RGS12: variants seen among roughly 807,000 people sequenced by gnomAD.
RGS12 encodes regulator of G protein signaling 12, also known as regulator of G-protein signaling 12.
A neutral mutation model predicts 120.1 loss-of-function variants in RGS12; 66 were observed. The ratio of observed to expected loss-of-function variants is 0.55; its 90% CI spans 0.45 to 0.67. RGS12 has a LOEUF of 0.67. Ranked by LOEUF, RGS12 falls within the 30% of genes least tolerant of loss-of-function variation. RGS12 has a pLI of 0.00. For synonymous variants in RGS12, 827 were observed against 804.7 expected, an observed-to-expected ratio of 1.03 and a Z score of -0.47; for missense variants, 1,859 against 1,957.7, an observed-to-expected ratio of 0.95 and a Z score of 0.95.
At chr4:3,420,569 G>A (rs1577082885) in intron 9 of RGS12, 73 bp from the exon 10 acceptor site, 3 of 1,478,396 alleles carry the variant, frequency 2.0e-6, no homozygotes, top group Non-Finnish European at 2.8e-6. Context: ...CCTAAAGGGG[G>A]CAGAGGGTTG....
intron 1 of RGS12, among the ~76,000 whole-genome samples, chr4:3,307,816 G>T (rs1436604675): frequency 2.6e-5 from 4 of 152,206 alleles, no homozygotes; most frequent in Non-Finnish European, 5.9e-5. Flanking sequence ...CGGGAGACGC[G>T]AAATTCTACA....
chr4:3,294,566 G>C (rs969663998), intron 1 of RGS12, among the ~76,000 whole-genome samples: 9 of 152,354 alleles, frequency 5.9e-5, no homozygotes, highest in African/African-American at 2.2e-4. Context: ...CGGGCCCTGC[G>C]TGGTGCCTCA....
At chr4:3,386,808 C>G (rs890760048) in intron 4 of RGS12, among the ~76,000 whole-genome samples, 1 of 152,218 alleles carries the variant, frequency 6.6e-6, no homozygotes, top group African/African-American at 2.4e-5. Context: ...AAAGTGCTTT[C>G]TGAATTTGAG....
chr4:3,293,341 C>T (rs1238547508), intron 1 of RGS12, among the ~76,000 whole-genome samples: 20 of 144,886 alleles, frequency 1.4e-4, no homozygotes, highest in African/African-American at 4.7e-4. Flanking sequence ...GCGGGCGGCG[C>T]GGGGCGCGGG....
chr4:3,364,330 G>A (rs998069992), intron 3 of RGS12, among the ~76,000 whole-genome samples: 1 of 152,182 alleles, frequency 6.6e-6, no homozygotes, highest in Admixed American at 6.5e-5. Flanking sequence ...AGCCCCTGCA[G>A]CCTGTGCTGA....
At chr4:3,324,830 A>G (rs1221339959) in intron 2 of RGS12, 1 of 152,098 alleles carries the variant, frequency 6.6e-6, no homozygotes, top group African/African-American at 2.4e-5. Flanking sequence ...TCAGTGTTTT[A>G]TTTATTTGCC....
At chr4:3,295,040 G>T (rs74784496) in intron 1 of RGS12, among the ~76,000 whole-genome samples, 5,405 of 152,196 alleles carry the variant, frequency 0.036, 256 homozygotes, top group African/African-American at 0.11. Context: ...AGGGTCAAGG[G>T]CTGGCTCCCT....
chr4:3,332,542 A>T (rs1368325777), intron 2 of RGS12, among the ~76,000 whole-genome samples: 1 of 152,192 alleles, frequency 6.6e-6, no homozygotes, highest in African/African-American at 2.4e-5. Flanking sequence ...ATCTTTTGCT[A>T]ATCTGGGAGC....
intron 17 of RGS12, chr4:3,431,712 C>G (rs1724325736): frequency 1.0e-6 from 1 of 985,450 alleles, no homozygotes; most frequent in African/African-American, 1.7e-5. Flanking sequence ...CGTGGCCATC[C>G]CCTGGAGAGA....
chr4:3,318,848 G>A (rs1052114556), intron 2 of RGS12, among the ~76,000 whole-genome samples: 3 of 152,236 alleles, frequency 2.0e-5, no homozygotes, highest in Non-Finnish European at 1.5e-5. Context: ...CGGCGCTGCC[G>A]TGTGGGGCTG....
intron 3 of RGS12, chr4:3,370,207 A>G: frequency 1.3e-6 from 2 of 1,590,378 alleles, no homozygotes. Context: ...CACACGCACA[A>G]GCTGCGGTGT....
In RGS12 at chr4:3,416,978, C is replaced by T; in HGVS notation, c.2493C>T (p.Cys831=). 2 of 1,613,204 alleles carry T rather than the reference C, an allele frequency of 1.2e-6. No homozygotes were observed. The highest frequency in any genetic ancestry group is 2.2e-5 in the East Asian group (1 of 44,876). The stretch of plus-strand genomic sequence containing the variant: ...TGAAGTCCCCGCTGTACCAGGAATG[C>T]ATCCTGGCGGAAGTGGAGGGCCGTG... ...RFLKSPLYQE[C]ILAEVEGRAL... The change falls in exon 8 of 18, where the codon TGC becomes TGT. Residue 831 remains cysteine, a synonymous_variant. Transcript: ENST00000336727.
rs1253830025 is a variant in RGS12 at position 3,365,036 on chromosome 4, C to T, written c.1999-21380C>T. ...CAGAAGCTGCACCTTTCCAGGGGAG[C>T]AGAAGGGGCATCCTGGGTGACAGGA... On this transcript the variant is annotated intron_variant, in intron 3 of 17. Coordinates refer to ENST00000336727, the MANE Select transcript of RGS12 (RefSeq NM_001394154.1). The surrounding 1 kb of genome is among the most constrained non-coding windows in gnomAD (Gnocchi z 4.0). Among the ~76,000 whole-genome samples, 1 of 152,062 alleles carries T rather than the reference C, an allele frequency of 6.6e-6. No homozygotes were observed. The highest frequency in any genetic ancestry group is 2.4e-5 in the African/African-American group (1 of 41,392).
chr4:3,416,752 AACTCTTAAGT>A (rs1722442139), intron 7 of RGS12, among the ~76,000 whole-genome samples, 151 bp from the exon 8 acceptor site: 1 of 152,216 alleles, frequency 6.6e-6, no homozygotes, highest in African/African-American at 2.4e-5. Context: ...CACTGGAAAT[AACTCTTAAGT>A]ACCCTCAGGG....
intron 12 of RGS12, 79 bp downstream of exon 12, chr4:3,423,057 T>C (rs567951077): frequency 3.3e-5 from 38 of 1,144,156 alleles, no homozygotes; most frequent in Admixed American, 2.4e-4. Context: ...GTCTCTGCGC[T>C]TAGCGGGCGG....
At chr4:3,403,218 T>C (rs1194898998) in intron 4 of RGS12, among the ~76,000 whole-genome samples, 1 of 152,256 alleles carries the variant, frequency 6.6e-6, no homozygotes, top group Non-Finnish European at 1.5e-5. Context: ...AGAATAGTTA[T>C]AAATCACACG....
At chr4:3,334,384 C>T (rs963303393) in intron 2 of RGS12, among the ~76,000 whole-genome samples, 2 of 152,120 alleles carry the variant, frequency 1.3e-5, no homozygotes, top group Non-Finnish European at 2.9e-5. Flanking sequence ...TGAGATAAAC[C>T]TAACTTATGA....
chr4:3,424,789 C>T lies in RGS12; in HGVS notation c.3235-675C>T, dbSNP rs183082765. ...TGAATTCTGTGGCCCCCTGTGTCCA[C>T]GAATGTGGTGGAGAAGGCGGGACCT... On this transcript the variant is annotated intron_variant, in intron 13 of 17. Transcript: ENST00000336727. Among the ~76,000 whole-genome samples the T allele has an allele frequency of 9.8e-5, 15 of 152,340 alleles. No homozygotes were observed. In the East Asian group the frequency reaches 1.4e-3, roughly 14 times the overall value.
At chr4:3,312,317 A>AGAC (rs1279074505) in intron 1 of RGS12, among the ~76,000 whole-genome samples, 1 of 152,184 alleles carries the variant, frequency 6.6e-6, no homozygotes, top group Non-Finnish European at 1.5e-5. Context: ...TTGAGGTCAG[A>AGAC]AGTTTGAGAC....
Sources: gnomAD v4.1 joint callset for allele counts (sites outside exome capture counted in the v4.1 genomes callset) on GRCh38, gnomAD v4.1.1 for gene constraint, Gnocchi (gnomAD v3.1) non-coding constraint, MANE v1.5 for transcripts, NCBI Gene and HGNC (gene_info 2026-07-23, HGNC 2026-07-21) for gene names.